PDE4D: variants seen among roughly 807,000 people sequenced by gnomAD.
The protein encoded by PDE4D is phosphodiesterase 4D.
PDE4D carries 24 observed loss-of-function variants against 87.4 expected under a neutral mutation model. The ratio of observed to expected loss-of-function variants is 0.27; its 90% CI spans 0.20 to 0.39. The LOEUF is 0.39. Among genes scored for constraint, PDE4D ranks in the 10% least tolerant of loss-of-function variants. The pLI, the probability that PDE4D is intolerant of heterozygous loss-of-function variation, is 1.00. For missense variants in PDE4D, 714 were observed against 1,041.0 expected, an observed-to-expected ratio of 0.69 and a Z score of 4.32; for synonymous variants, 384 against 383.2, an observed-to-expected ratio of 1.00 and a Z score of -0.02.
intron 1 of PDE4D, among the ~76,000 whole-genome samples, chr5:59,363,122 A>G (rs1256433935): frequency 6.6e-6 from 1 of 152,128 alleles, no homozygotes; most frequent in Non-Finnish European, 1.5e-5. Flanking sequence ...TTTGGTGTTT[A>G]TTCTGTGGTG....
intron 1 of PDE4D, among the ~76,000 whole-genome samples, chr5:60,214,254 C>T (rs1409794804): frequency 1.3e-5 from 2 of 152,296 alleles, no homozygotes; most frequent in Non-Finnish European, 2.9e-5. Context: ...GAAACGTCAA[C>T]GGTGTCCTGA....
chr5:60,278,228 T>C (rs907095484), intron 1 of PDE4D, among the ~76,000 whole-genome samples: 2 of 152,166 alleles, frequency 1.3e-5, no homozygotes, highest in Non-Finnish European at 2.9e-5. Context: ...TAAAAAAAAA[T>C]GTGTGTCACT....
intron 3 of PDE4D, among the ~76,000 whole-genome samples, chr5:59,940,241 G>T (rs1011652152): frequency 6.6e-6 from 1 of 152,142 alleles, no homozygotes; most frequent in East Asian, 1.9e-4. Context: ...AGGAGTTTCG[G>T]TTTCTTTCCT....
At chr5:59,662,720 G>A (rs972307342) in intron 1 of PDE4D, among the ~76,000 whole-genome samples, 3 of 152,076 alleles carry the variant, frequency 2.0e-5, no homozygotes, top group Non-Finnish European at 2.9e-5. Flanking sequence ...TAACATATCC[G>A]TTCTCTTATA....
chr5:59,450,081 C>G (rs1438479562), intron 1 of PDE4D, among the ~76,000 whole-genome samples: 3 of 152,190 alleles, frequency 2.0e-5, no homozygotes, highest in Non-Finnish European at 4.4e-5. Context: ...AGAGCAATGC[C>G]ATTTCTGCCT....
At chr5:59,512,727 C>T (rs991761369) in intron 1 of PDE4D, among the ~76,000 whole-genome samples, 1 of 151,856 alleles carries the variant, frequency 6.6e-6, no homozygotes, top group Admixed American at 6.6e-5. Context: ...TGACAGATGT[C>T]AAATCAAGGA....
At chr5:59,183,673 T>A (rs879812263) in intron 4 of PDE4D, among the ~76,000 whole-genome samples, 3 of 151,964 alleles carry the variant, frequency 2.0e-5, no homozygotes, top group Non-Finnish European at 4.4e-5. Flanking sequence ...AGCTACCAAA[T>A]CCCCAAAGCC....
intron 1 of PDE4D, among the ~76,000 whole-genome samples, chr5:59,507,915 C>T (rs1809577285): frequency 6.6e-6 from 1 of 152,020 alleles, no homozygotes. Context: ...GGTATGTTAT[C>T]TTCATGGAAA....
At chr5:59,714,070 C>G (rs1305125426) in intron 1 of PDE4D, among the ~76,000 whole-genome samples, 4 of 152,146 alleles carry the variant, frequency 2.6e-5, no homozygotes, top group Non-Finnish European at 5.9e-5. Flanking sequence ...GAGACCCCTG[C>G]TTGGTCTGGG....
At chr5:59,010,451 TTTTTG>T (rs1752556000) in intron 6 of PDE4D, among the ~76,000 whole-genome samples, 1 of 152,096 alleles carries the variant, frequency 6.6e-6, no homozygotes, top group Non-Finnish European at 1.5e-5. Flanking sequence ...ATATTGTCCT[TTTTTG>T]TTTTATTTTT....
At chr5:59,026,010 A>G (rs1756168360) in intron 6 of PDE4D, among the ~76,000 whole-genome samples, 1 of 152,272 alleles carries the variant, frequency 6.6e-6, no homozygotes, top group East Asian at 1.9e-4. Flanking sequence ...TGCCCTAGGC[A>G]AACATTGCAG....
chr5:59,003,795 G>C (rs771852966), intron 6 of PDE4D, among the ~76,000 whole-genome samples: 1 of 152,148 alleles, frequency 6.6e-6, no homozygotes, highest in South Asian at 2.1e-4. Context: ...GGATTGCGGG[G>C]TGAGAGGTAG....
chr5:59,864,750 A>C (rs184124607), intron 1 of PDE4D, among the ~76,000 whole-genome samples: 1 of 152,290 alleles, frequency 6.6e-6, no homozygotes, highest in Non-Finnish European at 1.5e-5. Context: ...ATGCCTGTGG[A>C]GCGTGCCCTT....
At chr5:59,338,148 A>G (rs1778059017) in intron 1 of PDE4D, among the ~76,000 whole-genome samples, 1 of 152,230 alleles carries the variant, frequency 6.6e-6, no homozygotes, top group South Asian at 2.1e-4. Context: ...TCCCGTGATA[A>G]TATCTTGCAT....
intron 1 of PDE4D, among the ~76,000 whole-genome samples, chr5:59,334,800 A>G (rs1054816776): frequency 6.6e-6 from 1 of 152,038 alleles, no homozygotes; most frequent in Non-Finnish European, 1.5e-5. Context: ...TCATTTTTAT[A>G]TTCTATAAAT....
chr5:59,035,360 A>C (rs1022766996), intron 6 of PDE4D, among the ~76,000 whole-genome samples: 34 of 152,238 alleles, frequency 2.2e-4, no homozygotes, highest in African/African-American at 8.0e-4. Flanking sequence ...GTATTATACC[A>C]CAAAAACTGT....
intron 1 of PDE4D, among the ~76,000 whole-genome samples, chr5:59,663,792 G>C (rs1310807400): frequency 1.3e-5 from 2 of 152,092 alleles, no homozygotes; most frequent in South Asian, 2.1e-4. Context: ...TGTGGAGACA[G>C]AAAGTATCAA....
At chr5:60,462,496 T>C (rs528394807) in intron 1 of PDE4D, among the ~76,000 whole-genome samples, 1 of 152,046 alleles carries the variant, frequency 6.6e-6, no homozygotes, top group Non-Finnish European at 1.5e-5. Context: ...TGGAATGGGA[T>C]AAATCATATA....
At chr5:60,278,661 C>T (rs1184573025) in intron 1 of PDE4D, among the ~76,000 whole-genome samples, 1 of 151,700 alleles carries the variant, frequency 6.6e-6, no homozygotes, top group African/African-American at 2.4e-5. Flanking sequence ...TTTTTATCTC[C>T]TGTATTCTGC....
Sources: gnomAD v4.1 joint callset for allele counts (sites outside exome capture counted in the v4.1 genomes callset) on GRCh38, gnomAD v4.1.1 for gene constraint, MANE v1.5 for transcripts, NCBI Gene and HGNC (gene_info 2026-07-23, HGNC 2026-07-21) for gene names.